Variants in ARHGEF38 observed in about 807,000 individuals in gnomAD.
ARHGEF38 encodes the protein Rho guanine nucleotide exchange factor (GEF) 38.
In ARHGEF38, 79 loss-of-function variants were observed where a neutral mutation model predicts 79.9. That is an observed-to-expected ratio of 0.99 (90% confidence interval 0.82 to 1.19). ARHGEF38 has a LOEUF of 1.19. Ranked by LOEUF, ARHGEF38 falls within the 50% of genes most tolerant of loss-of-function variation. The pLI is 0.00. For synonymous variants in ARHGEF38, 366 were observed against 328.3 expected (o/e 1.11, Z -1.24); for missense variants, 962 against 907.2 (o/e 1.06, Z -0.78).
At chr4:105,562,371 T>C (rs541028128) in intron 1 of ARHGEF38, among the ~76,000 whole-genome samples, 6 of 152,252 alleles carry the variant, frequency 3.9e-5, no homozygotes, top group Admixed American at 3.3e-4. Context: ...GACTATTTAT[T>C]GAATGACTTT....
At chr4:105,631,778 G>C in intron 4 of ARHGEF38, 1 of 731,584 alleles carries the variant, frequency 1.4e-6, no homozygotes, top group Non-Finnish European at 1.7e-6. Flanking sequence ...AAATGGAATT[G>C]GTATCTTTCT....
At chr4:105,577,216 G>A (rs1373489394) in intron 1 of ARHGEF38, among the ~76,000 whole-genome samples, 1 of 147,582 alleles carries the variant, frequency 6.8e-6, no homozygotes, top group Non-Finnish European at 1.5e-5. Context: ...TCATCATTTA[G>A]CATTAGGTAT....
chr4:105,645,227 C>G lies in ARHGEF38; in HGVS notation c.714C>G (p.Ile238Met), dbSNP rs1310267997. The change falls in exon 6 of 14, where the codon ATC (isoleucine) becomes ATG (methionine). Residue 238 changes from isoleucine (I) to methionine (M), a missense_variant. Coordinates refer to ENST00000420470, the MANE Select transcript of ARHGEF38 (RefSeq NM_001242729.2). ...PNLLDMGSLM[I>M]KPIQRVMKYP... ...TATTGGACATGGGCTCTTTGATGAT[C>G]AAACCAATTCAACGTGTGATGAAAT... The G allele has an allele frequency of 2.0e-6, 3 of 1,533,658 alleles. No individual in the cohort carries two copies. Among genetic ancestry groups the G allele is most frequent in the Non-Finnish European group, 2.6e-6 (3 of 1,145,914 alleles).
chr4:105,585,848 T>C (rs1372898476), intron 1 of ARHGEF38, among the ~76,000 whole-genome samples: 4 of 147,880 alleles, frequency 2.7e-5, no homozygotes, highest in East Asian at 2.1e-4. Flanking sequence ...TCTCCTGCCT[T>C]AGCCTCCCAA....
chr4:105,587,980 T>C (rs984821444), intron 1 of ARHGEF38, among the ~76,000 whole-genome samples: 1 of 152,198 alleles, frequency 6.6e-6, no homozygotes, highest in Admixed American at 6.5e-5. Context: ...TGTTTGAATA[T>C]TGAGTCTCTG....
chr4:105,552,996 C>A, intron 1 of ARHGEF38, 35 bp downstream of exon 1: 1 of 1,522,138 alleles, frequency 6.6e-7, no homozygotes, highest in Non-Finnish European at 8.9e-7. Context: ...CCAGTTACTG[C>A]ACTCCCAGCT....
At chr4:105,558,618 C>G (rs945696262) in intron 1 of ARHGEF38, among the ~76,000 whole-genome samples, 1 of 151,978 alleles carries the variant, frequency 6.6e-6, no homozygotes, top group Non-Finnish European at 1.5e-5. Context: ...ATTTTACTTT[C>G]CTATTTTTTT....
In ARHGEF38 at chr4:105,645,404, TGAA is replaced by T. The variant is rs1729798239; in HGVS notation, c.874+18_874+20del. 1 of 1,495,108 alleles carries T rather than the reference TGAA, an allele frequency of 6.7e-7. No homozygotes were observed. The highest frequency in any genetic ancestry group is 8.9e-7 in the Non-Finnish European group (1 of 1,126,928). 92.6% of individuals were successfully genotyped at this position (1,495,108 alleles called of 1,614,324 possible). On this transcript the variant is annotated intron_variant, in intron 6 of 13. Coordinates refer to ENST00000420470, the MANE Select transcript of ARHGEF38 (RefSeq NM_001242729.2). ...AAGATTTAGGTAGGAAGAGACATGA[TGAA>T]TTGGTTGTTTTCCATTATTGGAGTG...
At chr4:105,649,824 A>C (rs1189520841) in intron 7 of ARHGEF38, among the ~76,000 whole-genome samples, 1 of 152,192 alleles carries the variant, frequency 6.6e-6, no homozygotes, top group Non-Finnish European at 1.5e-5. Flanking sequence ...TCTTGACACT[A>C]TTCATATTTG....
At chr4:105,580,108 CTT>C (rs1726712274) in intron 1 of ARHGEF38, among the ~76,000 whole-genome samples, 1 of 42,078 alleles carries the variant, frequency 2.4e-5, no homozygotes, top group Non-Finnish European at 5.5e-5. Flanking sequence ...TCATTTGGAT[CTT>C]TTTTCTTCTT....
In ARHGEF38 at chr4:105,654,187, G is replaced by A; in HGVS notation, c.1113+18G>A. 1.5e-6 allele frequency: 2 copies of A among 1,360,558 alleles called. No individual in the cohort carries two copies. Among genetic ancestry groups the A allele is most frequent in the Non-Finnish European group, 9.9e-7 (1 of 1,012,218 alleles). 84.3% of individuals were successfully genotyped at this position (1,360,558 alleles called of 1,614,324 possible). ...ACATACAGGTAGGTGAGACACAACT[G>A]TTTTCAGTGTTCTACAGGAACATCT... is the stretch of plus-strand genomic sequence containing the variant. On this transcript the variant is annotated intron_variant, in intron 8 of 13. Coordinates refer to ENST00000420470, the MANE Select transcript of ARHGEF38 (RefSeq NM_001242729.2).
chr4:105,579,388 A>G lies in ARHGEF38; in HGVS notation c.197-9860A>G, dbSNP rs567465234. Among the ~76,000 whole-genome samples, 48 of 152,230 alleles carry G rather than the reference A, an allele frequency of 3.2e-4. No homozygotes were observed. In the South Asian group the frequency reaches 9.5e-3, roughly 30 times the overall value. On this transcript the variant is annotated intron_variant, in intron 1 of 13. Transcript: ENST00000420470. ...GGGTTTGTCATAGATGGCTCTTATT[A>G]TTTTAAGATATGTTCCTTCAATACC...
rs369451325 is a variant in ARHGEF38 at position 105,658,986 on chromosome 4, G to C, written c.1234-68G>C. ...TCGTGGGGGAAAAGGTAAACCTATG[G>C]ATAGCAGAACTGGACAAGGTATGGG... On this transcript the variant is annotated intron_variant, in intron 9 of 13. Coordinates refer to ENST00000420470, the MANE Select transcript of ARHGEF38 (RefSeq NM_001242729.2). 3.3e-5 allele frequency: 44 copies of C among 1,343,056 alleles called. No individual in the cohort carries two copies. The African/African-American group carries it at 4.4e-4, about 13-fold the overall frequency. 83.2% of individuals were successfully genotyped at this position (1,343,056 alleles called of 1,614,324 possible).
In ARHGEF38 at chr4:105,680,274, A is replaced by G; in HGVS notation, c.*2337A>G. The G allele has an allele frequency of 2.8e-6, 1 of 360,974 alleles. No homozygotes were observed. Among genetic ancestry groups the G allele is most frequent in the Non-Finnish European group, 5.3e-6 (1 of 188,832 alleles). The allele number at this position is 360,974 out of a possible 1,614,324, so 22.4% of individuals were successfully genotyped here. A position where few individuals can be genotyped will look rare whatever the true frequency, so the allele number is the denominator to read the frequency against. ...CATAAAGCATATGCAAAATAGAAAA[A>G]TGATAGTCACCACATATCTACTAAT... On this transcript the variant is annotated 3_prime_UTR_variant, in exon 14 of 14. Coordinates refer to ENST00000420470, the MANE Select transcript of ARHGEF38 (RefSeq NM_001242729.2).
At chr4:105,609,230 A>T (rs1260776264) in intron 2 of ARHGEF38, among the ~76,000 whole-genome samples, 2 of 152,090 alleles carry the variant, frequency 1.3e-5, no homozygotes, top group Non-Finnish European at 2.9e-5. Flanking sequence ...CAGTTTTTCT[A>T]GAACCATGCA....
intron 7 of ARHGEF38, among the ~76,000 whole-genome samples, chr4:105,652,413 T>C (rs1385979665): frequency 6.6e-6 from 1 of 152,160 alleles, no homozygotes; most frequent in Non-Finnish European, 1.5e-5. Flanking sequence ...TAACCAGGGT[T>C]ATGAGAGCAC....
chr4:105,578,277 G>A (rs951443082), intron 1 of ARHGEF38, among the ~76,000 whole-genome samples: 1 of 152,102 alleles, frequency 6.6e-6, no homozygotes, highest in Non-Finnish European at 1.5e-5. Context: ...TTCCACTGTG[G>A]TCTGAAAGAT....
chr4:105,668,879 T>C (rs1392153922), intron 13 of ARHGEF38, among the ~76,000 whole-genome samples: 1 of 152,068 alleles, frequency 6.6e-6, no homozygotes, highest in Non-Finnish European at 1.5e-5. Flanking sequence ...ACCTCATCTC[T>C]ACTAAAAATC....
intron 5 of ARHGEF38, among the ~76,000 whole-genome samples, chr4:105,639,504 G>A (rs1729535347): frequency 1.3e-5 from 2 of 151,586 alleles, no homozygotes; most frequent in African/African-American, 4.8e-5. Flanking sequence ...ATTCTTATAT[G>A]GTTTAATTTT....
Sources: gnomAD v4.1 joint callset for allele counts (sites outside exome capture counted in the v4.1 genomes callset) on GRCh38, gnomAD v4.1.1 for gene constraint, MANE v1.5 for transcripts, NCBI Gene and HGNC (gene_info 2026-07-23, HGNC 2026-07-21) for gene names.